Variants in GNG7 observed in about 807,000 individuals in gnomAD.
GNG7 encodes the protein guanine nucleotide-binding protein G(I)/G(S)/G(O) subunit gamma-7.
GNG7 carries 1 observed loss-of-function variant against 4.0 expected under a neutral mutation model. The ratio of observed to expected loss-of-function variants is 0.25; its 90% CI spans 0.09 to 1.18. GNG7 has a LOEUF of 1.18. Ranked by LOEUF, GNG7 falls within the 50% of genes most tolerant of loss-of-function variation. GNG7 has a pLI of 0.50. For missense variants in GNG7, 86 were observed against 91.9 expected, an observed-to-expected ratio of 0.94 and a Z score of 0.26; for synonymous variants, 34 against 36.9, an observed-to-expected ratio of 0.92 and a Z score of 0.29.
chr19:2,647,677 C>T lies in GNG7; in HGVS notation c.-134-1397G>A, dbSNP rs575853904. Among the ~76,000 whole-genome samples the T allele has an allele frequency of 7.2e-5, 11 of 152,122 alleles. No individual in the cohort carries two copies. In the South Asian group the frequency reaches 2.3e-3, roughly 32 times the overall value. On this transcript the variant is annotated intron_variant, in intron 1 of 4. Transcript: ENST00000382159. The stretch of plus-strand genomic sequence containing the variant: ...AGGTTGCTGTGAGCTAGGATTGCAC[C>T]ACTGCACTCCAGCCTAGGCAACAGA...
chr19:2,557,232 CA>C lies in GNG7; in HGVS notation c.-77-2045del, dbSNP rs1979584878. Among the ~76,000 whole-genome samples, 1 of 150,784 alleles carries C rather than the reference CA, an allele frequency of 6.6e-6. No individual in the cohort carries two copies. The highest frequency in any genetic ancestry group is 6.6e-5 in the Admixed American group (1 of 15,182). On this transcript the variant is annotated intron_variant, in intron 2 of 4. Transcript: ENST00000382159. This position sits in a 1 kb window ranked among gnomAD's most constrained non-coding sequence, Gnocchi z 5.1. Reference sequence around the variant, plus strand: ...GCACACACAGACACACATGCACACACAGACGCACATGTGCACACACACGTGC... The same window carrying C: ...GCACACACAGACACACATGCACACACGACGCACATGTGCACACACACGTGC...
chr19:2,631,808 G>A (rs570241300), intron 2 of GNG7: 2 of 152,356 alleles, frequency 1.3e-5, no homozygotes, highest in South Asian at 4.1e-4. Flanking sequence ...TGGGGGACTT[G>A]GCCTGGGGGC....
intron 1 of GNG7, among the ~76,000 whole-genome samples, chr19:2,659,355 G>C (rs1247568002): frequency 6.6e-6 from 1 of 150,676 alleles, no homozygotes; most frequent in African/African-American, 2.4e-5. Flanking sequence ...GAGATGGGGG[G>C]ATCACCTGAG....
At chr19:2,676,562 C>A (rs1432657937) in intron 1 of GNG7, among the ~76,000 whole-genome samples, 1 of 152,144 alleles carries the variant, frequency 6.6e-6, no homozygotes, top group African/African-American at 2.4e-5. Context: ...CAGGCGCGCA[C>A]CATCATGCTT....
intron 2 of GNG7, among the ~76,000 whole-genome samples, chr19:2,569,339 G>A (rs560131287): frequency 3.9e-5 from 6 of 152,132 alleles, no homozygotes; most frequent in African/African-American, 9.6e-5. Context: ...GCAGTGGCGC[G>A]ATCTCGGCTC....
intron 2 of GNG7, among the ~76,000 whole-genome samples, chr19:2,597,976 T>A (rs1335318233): frequency 6.6e-6 from 1 of 151,914 alleles, no homozygotes; most frequent in African/African-American, 2.4e-5. Flanking sequence ...CGCTCCATAT[T>A]GCTGTACGTA....
chr19:2,612,723 TGA>T (rs927269665), intron 2 of GNG7, among the ~76,000 whole-genome samples: 4 of 148,926 alleles, frequency 2.7e-5, no homozygotes, highest in African/African-American at 1.0e-4. Context: ...TTTTTTTTTT[TGA>T]GAGTCTTGCT....
At chr19:2,553,999 A>G (rs1185175053) in intron 3 of GNG7, among the ~76,000 whole-genome samples, 2 of 127,952 alleles carry the variant, frequency 1.6e-5, no homozygotes, top group African/African-American at 5.9e-5. Context: ...TATATTACAC[A>G]TATGTATATA....
intron 2 of GNG7, among the ~76,000 whole-genome samples, chr19:2,613,752 C>T (rs62123725): frequency 0.043 from 6,546 of 152,174 alleles, 198 homozygotes; most frequent in Non-Finnish European, 0.063. Context: ...GAGGCCAGGA[C>T]GCCACTCAGC....
intron 1 of GNG7, among the ~76,000 whole-genome samples, chr19:2,661,285 A>G (rs865837948): frequency 0.11 from 7,114 of 64,484 alleles, 457 homozygotes; most frequent in Middle Eastern, 0.2. Flanking sequence ...AAAGAAAGAA[A>G]GAAAGAAAGA....
chr19:2,636,136 T>C (rs1982302109), intron 2 of GNG7, among the ~76,000 whole-genome samples: 1 of 152,034 alleles, frequency 6.6e-6, no homozygotes, highest in African/African-American at 2.4e-5. Context: ...GACACCAGAA[T>C]AAACTCCCAA....
At chr19:2,567,019 C>T (rs1049626964) in intron 2 of GNG7, among the ~76,000 whole-genome samples, 3 of 151,552 alleles carry the variant, frequency 2.0e-5, no homozygotes, top group Non-Finnish European at 2.9e-5. Flanking sequence ...GCAGGAGAAT[C>T]GCTTGAATCC....
At chr19:2,646,939 T>A (rs1249687944) in intron 1 of GNG7, among the ~76,000 whole-genome samples, 1 of 152,158 alleles carries the variant, frequency 6.6e-6, no homozygotes, top group African/African-American at 2.4e-5. Context: ...GCACCCAACG[T>A]ATCCAGGTCT....
At chr19:2,583,282 A>C (rs1980555677) in intron 2 of GNG7, among the ~76,000 whole-genome samples, 3 of 152,218 alleles carry the variant, frequency 2.0e-5, no homozygotes, top group African/African-American at 7.2e-5. Context: ...GTGTTTTCTG[A>C]AAAAATTTTT....
intron 2 of GNG7, among the ~76,000 whole-genome samples, chr19:2,575,265 T>G (rs1207860937): frequency 6.6e-6 from 1 of 152,118 alleles, no homozygotes; most frequent in East Asian, 1.9e-4. Context: ...TTAAAATTTT[T>G]TTGTAGAGAC....
intron 2 of GNG7, chr19:2,642,745 T>A (rs1252729625): frequency 2.2e-6 from 1 of 454,978 alleles, no homozygotes; most frequent in East Asian, 6.9e-5. Flanking sequence ...CCTCCTGCCT[T>A]GGCCTCTCAA....
At chr19:2,650,467 G>A (rs988710535) in intron 1 of GNG7, among the ~76,000 whole-genome samples, 2 of 152,156 alleles carry the variant, frequency 1.3e-5, no homozygotes, top group African/African-American at 2.4e-5. Flanking sequence ...TGGGATTACA[G>A]GCAACAATGA....
chr19:2,575,433 G>C (rs918125456), intron 2 of GNG7, among the ~76,000 whole-genome samples: 1 of 152,216 alleles, frequency 6.6e-6, no homozygotes, highest in African/African-American at 2.4e-5. Context: ...AGTGTACAAA[G>C]CAGAACGGGC....
At chr19:2,543,813 G>C (rs1449497099) in intron 3 of GNG7, among the ~76,000 whole-genome samples, 1 of 152,154 alleles carries the variant, frequency 6.6e-6, no homozygotes, top group South Asian at 2.1e-4. Context: ...GCGGCGTGCC[G>C]GGGTGAGTCA....
Sources: allele counts gnomAD v4.1 joint callset (sites outside exome capture counted in the v4.1 genomes callset), GRCh38; gene constraint gnomAD v4.1.1; non-coding constraint Gnocchi (gnomAD v3.1); transcripts MANE v1.5; gene names NCBI Gene and HGNC (gene_info 2026-07-23, HGNC 2026-07-21).